CCDC91: variants seen among roughly 807,000 people sequenced by gnomAD.
CCDC91 encodes the protein coiled-coil domain containing 91, also known as coiled-coil domain-containing protein 91.
CCDC91 carries 48 observed loss-of-function variants against 63.2 expected under a neutral mutation model. The ratio of observed to expected loss-of-function variants is 0.76; its 90% CI spans 0.60 to 0.97. The LOEUF (loss-of-function observed/expected upper bound fraction) is 0.97. CCDC91 is among the 50% of genes least tolerant of loss of function. The pLI, the probability that CCDC91 is intolerant of heterozygous loss-of-function variation, is 0.00. For missense variants in CCDC91, 500 were observed against 494.6 expected (o/e 1.01, Z -0.10); for synonymous variants, 167 against 165.8 (o/e 1.01, Z -0.06).
chr12:28,444,213 G>A (rs11049606), intron 8 of CCDC91, among the ~76,000 whole-genome samples: 32,972 of 152,098 alleles, frequency 0.22, 4,331 homozygotes, highest in Non-Finnish European at 0.3. Context: ...CTATTGAGGT[G>A]GAGAAGAATG....
chr12:28,326,614 T>C (rs1391184050), intron 6 of CCDC91, among the ~76,000 whole-genome samples: 1 of 142,050 alleles, frequency 7.0e-6, no homozygotes, highest in Non-Finnish European at 1.5e-5. Flanking sequence ...TGTGTTCTCA[T>C]TGTTCAGTTC....
chr12:28,519,644 T>C (rs574625283), intron 12 of CCDC91, among the ~76,000 whole-genome samples: 4 of 151,984 alleles, frequency 2.6e-5, no homozygotes, highest in African/African-American at 4.8e-5. Context: ...TATGTATACA[T>C]GTGCCATGTT....
chr12:28,533,484 G>A (rs563190801), intron 12 of CCDC91, among the ~76,000 whole-genome samples: 6 of 151,948 alleles, frequency 3.9e-5, no homozygotes, highest in Admixed American at 2.0e-4. Context: ...TGACTATCGA[G>A]TAATTAATGA....
intron 3 of CCDC91, among the ~76,000 whole-genome samples, chr12:28,288,618 A>G (rs1339361420): frequency 6.6e-6 from 1 of 152,120 alleles, no homozygotes; most frequent in Non-Finnish European, 1.5e-5. Context: ...ATTGATGTTC[A>G]TCAAGGATAT....
In CCDC91 at chr12:28,289,817, G is replaced by A. The variant is rs532292214; in HGVS notation, c.110-15832G>A. Among the ~76,000 whole-genome samples the A allele has an allele frequency of 7.4e-5, 11 of 149,386 alleles. No individual in the cohort carries two copies. In the South Asian group the frequency reaches 2.1e-3, roughly 29 times the overall value. ...CGCCATTCTCCTGCCTCAGCCTTCC[G>A]AGTAGCTGGGACTACAGATGCCCGC... On this transcript the variant is annotated intron_variant, in intron 3 of 12. Coordinates refer to ENST00000536442, the MANE Select transcript of CCDC91 (RefSeq NM_018318.5).
intron 1 of CCDC91, among the ~76,000 whole-genome samples, chr12:28,255,353 A>G (rs1946376957): frequency 1.3e-5 from 2 of 152,274 alleles, no homozygotes; most frequent in South Asian, 2.1e-4. Flanking sequence ...GATGCTAAAA[A>G]TTTTTTGTTT....
chr12:28,222,156 ACTAGAGGTTAAATCTGGT>A lies in CCDC91; in HGVS notation c.-15+31518_-15+31535del, dbSNP rs537837053. On this transcript the variant is annotated intron_variant, in intron 1 of 12. Coordinates refer to ENST00000536442, the MANE Select transcript of CCDC91 (RefSeq NM_018318.5). ...TGTTCATTTTTCTAGTTGCTTAGAAACTAGAGGTTAAATCTGGTCTCTGTGTTTCCACTTTGGTTGGAA... is the reference window on the plus strand; with the variant it reads ...TGTTCATTTTTCTAGTTGCTTAGAAACTCTGTGTTTCCACTTTGGTTGGAA... Among the ~76,000 whole-genome samples the A allele has an allele frequency of 6.4e-3, 973 of 152,250 alleles. 14 individuals carry two copies. Among genetic ancestry groups the A allele is most frequent in the African/African-American group, 0.022 (900 of 41,540 alleles).
chr12:28,298,437 A>G (rs1937651730), intron 3 of CCDC91, among the ~76,000 whole-genome samples: 1 of 146,144 alleles, frequency 6.8e-6, no homozygotes, highest in African/African-American at 2.5e-5. Flanking sequence ...ATCTTTTCCT[A>G]TCCTATTAAC....
At chr12:28,297,840 G>T (rs1186898990) in intron 3 of CCDC91, among the ~76,000 whole-genome samples, 1 of 151,742 alleles carries the variant, frequency 6.6e-6, no homozygotes, top group African/African-American at 2.4e-5. Context: ...ACTAGAATTT[G>T]TAATTTTAAA....
At chr12:28,422,543 T>C (rs1948073958) in intron 8 of CCDC91, among the ~76,000 whole-genome samples, 1 of 152,092 alleles carries the variant, frequency 6.6e-6, no homozygotes, top group Non-Finnish European at 1.5e-5. Flanking sequence ...TGAGACCCTT[T>C]ATTTGCCAGG....
At chr12:28,219,663 C>T (rs776749824) in intron 1 of CCDC91, among the ~76,000 whole-genome samples, 12 of 151,792 alleles carry the variant, frequency 7.9e-5, no homozygotes, top group East Asian at 1.9e-4. Context: ...TTAGTAGAGA[C>T]GGGGTTTCAC....
At chr12:28,324,482 G>A (rs943773136) in intron 6 of CCDC91, among the ~76,000 whole-genome samples, 2 of 151,730 alleles carry the variant, frequency 1.3e-5, no homozygotes, top group African/African-American at 4.8e-5. Context: ...CCTAGCCTAG[G>A]GAGCAATCAC....
intron 6 of CCDC91, among the ~76,000 whole-genome samples, chr12:28,310,293 T>G (rs1455919153): frequency 6.6e-6 from 1 of 152,050 alleles, no homozygotes; most frequent in Non-Finnish European, 1.5e-5. Context: ...CAGTAACATA[T>G]CAGAGAGACT....
At chr12:28,209,919 A>G (rs1943115196) in intron 1 of CCDC91, among the ~76,000 whole-genome samples, 2 of 152,154 alleles carry the variant, frequency 1.3e-5, no homozygotes, top group Admixed American at 1.3e-4. Flanking sequence ...TCTCAATTAT[A>G]TGTTAAAATG....
intron 8 of CCDC91, among the ~76,000 whole-genome samples, chr12:28,421,814 A>G (rs1264861362): frequency 6.6e-6 from 1 of 151,758 alleles, no homozygotes; most frequent in African/African-American, 2.4e-5. Flanking sequence ...AAATCAGCCA[A>G]TCTCCCCCTT....
intron 11 of CCDC91, among the ~76,000 whole-genome samples, chr12:28,466,365 A>G (rs544353589): frequency 4.6e-5 from 7 of 152,324 alleles, no homozygotes; most frequent in African/African-American, 1.4e-4. Flanking sequence ...AAAAGTTTAT[A>G]GAACACTAAC....
At chr12:28,211,815 A>G (rs376252238) in intron 1 of CCDC91, among the ~76,000 whole-genome samples, 7 of 152,094 alleles carry the variant, frequency 4.6e-5, no homozygotes, top group East Asian at 1.9e-4. Context: ...AAGGGGTAGA[A>G]TGTAAAAATC....
chr12:28,480,986 G>A (rs752661699), intron 11 of CCDC91, among the ~76,000 whole-genome samples: 1 of 151,938 alleles, frequency 6.6e-6, no homozygotes, highest in Non-Finnish European at 1.5e-5. Context: ...AACATCTTAT[G>A]TAAAATATCA....
chr12:28,464,535 C>T (rs1410149202), intron 11 of CCDC91, among the ~76,000 whole-genome samples: 2 of 152,170 alleles, frequency 1.3e-5, no homozygotes, highest in African/African-American at 4.8e-5. Context: ...GTCAGAGTCA[C>T]GAGGCCTCCT....
Sources: allele counts gnomAD v4.1 joint callset (sites outside exome capture counted in the v4.1 genomes callset), GRCh38; gene constraint gnomAD v4.1.1; transcripts MANE v1.5; gene names NCBI Gene and HGNC (gene_info 2026-07-23, HGNC 2026-07-21).